PDE1A: variants seen among roughly 807,000 people sequenced by gnomAD.
PDE1A encodes dual specificity calcium/calmodulin-dependent 3',5'-cyclic nucleotide phosphodiesterase 1A.
A neutral mutation model predicts 61.7 loss-of-function variants in PDE1A; 35 were observed. The ratio of observed to expected loss-of-function variants is 0.57; its 90% confidence interval spans 0.43 to 0.75. The LOEUF (loss-of-function observed/expected upper bound fraction) is 0.75. Ranked by LOEUF, PDE1A falls within the 30% of genes least tolerant of loss-of-function variation. The pLI, the probability that PDE1A is intolerant of heterozygous loss-of-function variation, is 0.00. For synonymous variants in PDE1A, 232 were observed against 213.2 expected (o/e 1.09, Z -0.77); for missense variants, 597 against 630.6 (o/e 0.95, Z 0.57).
the PDE1A span, among the ~76,000 whole-genome samples, chr2:182,536,659 T>C: frequency 6.6e-6 from 1 of 152,208 alleles, no homozygotes; most frequent in African/African-American, 2.4e-5. Context: ...TATTTATATA[T>C]ACCATTACAC....
the PDE1A span, among the ~76,000 whole-genome samples, chr2:182,638,769 C>G: frequency 2.0e-5 from 3 of 152,118 alleles, no homozygotes; most frequent in East Asian, 5.8e-4. Context: ...AATGACAAGC[C>G]AGCCTAGCGC....
At chr2:182,185,795 T>C (rs1427783578) in intron 13 of PDE1A, 97 bp downstream of exon 13, 1 of 1,575,078 alleles carries the variant, frequency 6.3e-7, no homozygotes. Flanking sequence ...GGCTTACATA[T>C]TCTATAGAAG....
At chr2:182,539,954 C>A in the PDE1A span, among the ~76,000 whole-genome samples, 5 of 152,238 alleles carry the variant, frequency 3.3e-5, no homozygotes, top group East Asian at 9.6e-4. Flanking sequence ...TAGAAGAAAG[C>A]TTTTTATTGT....
chr2:182,202,083 ATAT>A (rs1208497408), intron 8 of PDE1A, among the ~76,000 whole-genome samples: 6 of 152,172 alleles, frequency 3.9e-5, no homozygotes, highest in Admixed American at 1.3e-4. Flanking sequence ...TAATTCCTAA[ATAT>A]TATTATTTTT....
chr2:182,709,437 T>C, the PDE1A span, among the ~76,000 whole-genome samples: 1 of 152,210 alleles, frequency 6.6e-6, no homozygotes, highest in Non-Finnish European at 1.5e-5. Context: ...TGCCAAGCAC[T>C]GTTCTAGCTA....
chr2:182,671,088 T>G, the PDE1A span, among the ~76,000 whole-genome samples: 5 of 152,048 alleles, frequency 3.3e-5, no homozygotes, highest in Non-Finnish European at 1.5e-5. Context: ...AAAGTGCTGG[T>G]ATTACAGGCA....
chr2:182,522,043 T>C (rs1003926680), intron 2 of PDE1A, among the ~76,000 whole-genome samples: 3 of 152,126 alleles, frequency 2.0e-5, no homozygotes, highest in Non-Finnish European at 2.9e-5. Flanking sequence ...AAAGAAACCA[T>C]GTAATATGAC....
At chr2:182,186,176 G>T in intron 12 of PDE1A, 97 bp from the exon 13 acceptor site, 14 of 1,271,820 alleles carry the variant, frequency 1.1e-5, no homozygotes, top group Admixed American at 2.4e-5. Context: ...AGAAAAGCAG[G>T]ATAGTAGATG....
chr2:182,178,749 G>A (rs930431426), intron 13 of PDE1A, among the ~76,000 whole-genome samples: 11 of 152,196 alleles, frequency 7.2e-5, no homozygotes, highest in Non-Finnish European at 1.2e-4. Context: ...TGACTCTGAT[G>A]TGAAGACCAG....
At chr2:182,178,027 A>C (rs3769805) in intron 13 of PDE1A, among the ~76,000 whole-genome samples, 1 of 152,186 alleles carries the variant, frequency 6.6e-6, no homozygotes, top group Non-Finnish European at 1.5e-5. Context: ...AAACAACTAC[A>C]AAAGCTTATT....
chr2:182,303,941 G>A (rs369011645), intron 1 of PDE1A, among the ~76,000 whole-genome samples: 5 of 151,760 alleles, frequency 3.3e-5, no homozygotes, highest in African/African-American at 1.2e-4. Flanking sequence ...TCGCTGTGTC[G>A]CCAGGCTGGA....
chr2:182,556,346 C>G, the PDE1A span, among the ~76,000 whole-genome samples: 2 of 152,174 alleles, frequency 1.3e-5, no homozygotes, highest in African/African-American at 4.8e-5. Context: ...GAGAGAGCCA[C>G]AGGCAGCCAG....
intron 8 of PDE1A, 58 bp from the exon 9 acceptor site, chr2:182,201,847 A>C: frequency 2.4e-5 from 24 of 998,858 alleles, no homozygotes; most frequent in Non-Finnish European, 3.4e-5. Flanking sequence ...CTGAAGTGGA[A>C]CACTTCAATA....
the PDE1A span, among the ~76,000 whole-genome samples, chr2:182,587,322 A>C: frequency 6.6e-6 from 1 of 152,022 alleles, no homozygotes; most frequent in Admixed American, 6.5e-5. Flanking sequence ...TCCTTCTAAC[A>C]TATGTCAGTC....
intron 3 of PDE1A, among the ~76,000 whole-genome samples, chr2:182,235,197 G>A (rs1689912988): frequency 6.6e-6 from 1 of 152,168 alleles, no homozygotes; most frequent in Non-Finnish European, 1.5e-5. Context: ...AAGCTGGAGT[G>A]CAGTGGTGTG....
the PDE1A span, among the ~76,000 whole-genome samples, chr2:182,579,284 T>C: frequency 2.6e-5 from 4 of 151,748 alleles, no homozygotes; most frequent in Non-Finnish European, 4.4e-5. Flanking sequence ...TGCTACTCAC[T>C]TGCTTGCTAC....
At chr2:182,590,016 A>C in the PDE1A span, among the ~76,000 whole-genome samples, 1 of 152,206 alleles carries the variant, frequency 6.6e-6, no homozygotes, top group South Asian at 2.1e-4. Context: ...AACATTAAGC[A>C]ATATGTACAA....
Position 182,522,663 on chromosome 2 carries a change from A to G in PDE1A, c.-11+2T>C. 1 of 1,149,584 alleles carries G rather than the reference A, an allele frequency of 8.7e-7. No individual in the cohort carries two copies. The highest frequency in any genetic ancestry group is 1.1e-6 in the Non-Finnish European group (1 of 929,214). 71.2% of individuals were successfully genotyped at this position (1,149,584 alleles called of 1,614,324 possible). On this transcript the variant is annotated splice_donor_variant, in intron 1 of 14. Coordinates refer to the PDE1A transcript ENST00000410103. LOFTEE classifies it low-confidence loss of function (5UTR_SPLICE). ...ATGTGAGCCTGCTACTGTACTACTG[A>G]CCGACTGAGTACTCAAGCTCTCCCC...
intron 1 of PDE1A, among the ~76,000 whole-genome samples, chr2:182,388,110 G>A (rs912590075): frequency 6.6e-6 from 1 of 151,874 alleles, no homozygotes; most frequent in East Asian, 1.9e-4. Flanking sequence ...ATGATGGAGG[G>A]GTCAATTAAG....
Sources: gnomAD v4.1 joint callset for allele counts (sites outside exome capture counted in the v4.1 genomes callset) on GRCh38, gnomAD v4.1.1 for gene constraint, MANE v1.5 for transcripts, NCBI Gene and HGNC (gene_info 2026-07-23, HGNC 2026-07-21) for gene names.